The following MT1B variants were observed in gnomAD, a reference collection of about 807,000 sequenced individuals.
MT1B encodes metallothionein-1B.
A neutral mutation model predicts 7.9 loss-of-function variants in MT1B; 4 were observed. The ratio of observed to expected loss-of-function variants is 0.51; its 90% CI spans 0.25 to 1.16. The LOEUF (loss-of-function observed/expected upper bound fraction) is 1.16, where lower values mean the gene tolerates loss of function less well. Among genes scored for constraint, MT1B ranks in the 50% most tolerant of loss-of-function variants. The pLI, the probability that MT1B is intolerant of heterozygous loss-of-function variation, is 0.15. For synonymous variants in MT1B, 22 were observed against 27.6 expected, an observed-to-expected ratio of 0.80 and a Z score of 0.63; for missense variants, 76 against 75.2, an observed-to-expected ratio of 1.01 and a Z score of -0.04.
chr16:56,652,837 C>A, intron 2 of MT1B, 137 bp from the exon 3 acceptor site: 1 of 1,180,128 alleles, frequency 8.5e-7, no homozygotes, highest in Non-Finnish European at 1.3e-6. Flanking sequence ...CTCAAATGTA[C>A]CATCAGAACA....
chr16:56,651,989 A>T lies in MT1B; in HGVS notation c.28+8A>T, dbSNP rs200822146. 158 of 1,614,100 alleles carry T rather than the reference A, an allele frequency of 9.8e-5. No individual in the cohort carries two copies. Among genetic ancestry groups the T allele is most frequent in the Admixed American group, 5.5e-4 (33 of 60,008 alleles). ...ACTGCTCCTGCACCACAGGTAAGGGACGCCTGGCTCTGGGCCTTGAGATGC... is the reference window on the plus strand; with the variant it reads ...ACTGCTCCTGCACCACAGGTAAGGGTCGCCTGGCTCTGGGCCTTGAGATGC... On this transcript the variant is annotated splice_region_variant and intron_variant, in intron 1 of 2. Transcript: ENST00000334346.
Position 56,652,598 on chromosome 16 carries a change from G to A in MT1B, c.56G>A (p.Cys19Tyr). ...GGCTCCTGTGCCTGCGCCGGCTCCTGCAAGTGCAAAGAGTGCAAATGTACC... is the reference window on the plus strand; with the variant it reads ...GGCTCCTGTGCCTGCGCCGGCTCCTACAAGTGCAAAGAGTGCAAATGTACC... Reference protein sequence around the residue: ...TGGSCACAGSCKCKECKCTSC... With the variant: ...TGGSCACAGSYKCKECKCTSC... The change falls in exon 2 of 3, where the codon TGC becomes TAC. Residue 19 changes from cysteine to tyrosine, a missense_variant. By Grantham distance (194) the Cys-to-Tyr change is radical. Coordinates refer to ENST00000334346, the MANE Select transcript of MT1B (RefSeq NM_005947.3). 1 of 1,613,990 alleles carries A rather than the reference G, an allele frequency of 6.2e-7. No homozygotes were observed. Among genetic ancestry groups the A allele is most frequent in the Non-Finnish European group, 8.5e-7 (1 of 1,179,898 alleles).
chr16:56,652,872 T>C (rs1463700074), intron 2 of MT1B, 102 bp from the exon 3 acceptor site: 1 of 1,365,202 alleles, frequency 7.3e-7, no homozygotes, highest in East Asian at 2.3e-5. Context: ...TAAAAATGCA[T>C]CCTCTGGGTG....
chr16:56,652,763 T>G, intron 2 of MT1B, 127 bp downstream of exon 2: 1 of 1,302,876 alleles, frequency 7.7e-7, no homozygotes, highest in Non-Finnish European at 1.1e-6. Flanking sequence ...TGTCATTCCC[T>G]CTCCAGGCTT....
chr16:56,652,742 C>A, intron 2 of MT1B, 106 bp downstream of exon 2: 1 of 1,425,990 alleles, frequency 7.0e-7, no homozygotes, highest in Non-Finnish European at 9.9e-7. Context: ...TTCCTTTGCC[C>A]CTGTTGGCTG....
Position 56,653,040 on chromosome 16 carries a change from C to T in MT1B, c.161C>T (p.Ser54Leu). ...CAQGCVCKGS[S>L]EKCRCCA ...CAGGGCTGTGTCTGCAAAGGCTCAT[C>T]AGAGAAGTGCCGCTGCTGTGCCTGA... The change falls in exon 3 of 3, where the codon TCA becomes TTA. Residue 54 changes from serine (S) to leucine (L), a missense_variant. Physicochemically the swap from Ser to Leu is moderately radical, Grantham distance 145. Transcript: ENST00000334346. The T allele has an allele frequency of 1.2e-6, 2 of 1,613,960 alleles. No individual in the cohort carries two copies. The highest frequency in any genetic ancestry group is 1.7e-6 in the Non-Finnish European group (2 of 1,180,006).
chr16:56,652,827 C>G, intron 2 of MT1B, 147 bp from the exon 3 acceptor site: 1 of 1,166,620 alleles, frequency 8.6e-7, no homozygotes, highest in Non-Finnish European at 1.3e-6. Flanking sequence ...GGACACAAAC[C>G]TCAAATGTAC....
intron 2 of MT1B, 85 bp from the exon 3 acceptor site, chr16:56,652,889 C>T: frequency 6.8e-7 from 1 of 1,471,424 alleles, no homozygotes; most frequent in Non-Finnish European, 9.5e-7. Context: ...GGTGTGGGGG[C>T]TGAACTTCAG....
intron 1 of MT1B, 103 bp from the exon 2 acceptor site, chr16:56,652,468 T>C (rs2013775): frequency 0.52 from 580,542 of 1,116,736 alleles, 152,965 homozygotes; most frequent in Non-Finnish European, 0.56. Flanking sequence ...GGAGCTCTGA[T>C]GGCTGGCCCT....
intron 2 of MT1B, 37 bp downstream of exon 2, chr16:56,652,673 G>T: frequency 6.2e-7 from 1 of 1,611,746 alleles, no homozygotes; most frequent in Non-Finnish European, 8.5e-7. Flanking sequence ...CTGGGGCTGT[G>T]GCTAAGCTTG....
At chr16:56,652,090 G>C (rs2070838) in intron 1 of MT1B, 109 bp downstream of exon 1, 1,188,710 of 1,371,360 alleles carry the variant, frequency 0.87, 519,436 homozygotes, top group Non-Finnish European at 0.89. Context: ...AAGGGAACTC[G>C]TTTACTTTTG....
rs140091038 is a variant in MT1B, at chr16:56,652,590, C to T, written c.48C>T (p.Ala16=). Residue 16 remains alanine (A), a synonymous_variant, in exon 2 of 3, where the codon GCC becomes GCT. Coordinates refer to ENST00000334346, the MANE Select transcript of MT1B (RefSeq NM_005947.3). ...TTGCAGGTGGCTCCTGTGCCTGCGC[C>T]GGCTCCTGCAAGTGCAAAGAGTGCA... ...SCTTGGSCAC[A]GSCKCKECKC... is the part of the protein sequence containing the mutation. The T allele has an allele frequency of 2.0e-5, 32 of 1,613,848 alleles. No homozygotes were observed. In the Middle Eastern group the frequency reaches 4.9e-4, roughly 25 times the overall value.
chr16:56,652,425 TG>T, intron 1 of MT1B, 145 bp from the exon 2 acceptor site: 1 of 805,532 alleles, frequency 1.2e-6, no homozygotes, highest in Non-Finnish European at 2.1e-6. Context: ...GGAGAGGACA[TG>T]GGGCTTCTGT....
At position 56,651,967 on chromosome 16, in the gene MT1B, G is replaced by A. The variant is rs747087649; in HGVS notation, c.14G>A (p.Cys5Tyr). The A allele has an allele frequency of 2.5e-6, 4 of 1,614,240 alleles. No individual in the cohort carries two copies. In the South Asian group the frequency reaches 3.3e-5, roughly 13 times the overall value. Residue 5 changes from cysteine (C) to tyrosine (Y), a missense_variant, in exon 1 of 3, where the codon TGC becomes TAC. By Grantham distance (194) the Cys-to-Tyr change is radical. Transcript: ENST00000334346. MDPN[C>Y]SCTTGGSCAC... ...TCTTGGCTCCAAATGGATCCCAACT[G>A]CTCCTGCACCACAGGTAAGGGACGC...
At chr16:56,652,868 T>A (rs1960572579) in intron 2 of MT1B, 106 bp from the exon 3 acceptor site, 11 of 1,348,650 alleles carry the variant, frequency 8.2e-6, no homozygotes, top group Non-Finnish European at 1.2e-5. Flanking sequence ...AGCCTAAAAA[T>A]GCATCCTCTG....
At position 56,651,904 on chromosome 16, in the gene MT1B, C is replaced by T. The variant is rs776939115; in HGVS notation, c.-50C>T. ...GGGCTCCATCACACCTTCCTCCTGC[C>T]CTGACTTCTCATATCTTGCCTAGGA... On this transcript the variant is annotated 5_prime_UTR_variant, in exon 1 of 3. Transcript: ENST00000334346. The T allele has an allele frequency of 6.2e-7, 1 of 1,609,340 alleles. No individual in the cohort carries two copies. Among genetic ancestry groups the T allele is most frequent in the Admixed American group, 1.7e-5 (1 of 60,028 alleles).
Position 56,652,617 on chromosome 16 carries a change from A to G in MT1B, c.75A>G (p.Lys25=). The change falls in exon 2 of 3, where the codon AAA becomes AAG. Residue 25 remains lysine (K), a synonymous_variant. Coordinates refer to ENST00000334346, the MANE Select transcript of MT1B (RefSeq NM_005947.3). ...GCTCCTGCAAGTGCAAAGAGTGCAAATGTACCTCCTGCAAGAAGTGTGAGT... is the reference window on the plus strand; with the variant it reads ...GCTCCTGCAAGTGCAAAGAGTGCAAGTGTACCTCCTGCAAGAAGTGTGAGT... The part of the protein sequence containing the change: ...CAGSCKCKEC[K]CTSCKKCCCS... 2 of 1,613,950 alleles carry G rather than the reference A, an allele frequency of 1.2e-6. No individual in the cohort carries two copies. Among genetic ancestry groups the G allele is most frequent in the South Asian group, 2.2e-5 (2 of 91,082 alleles).
In MT1B at chr16:56,652,997, G is replaced by C; in HGVS notation, c.118G>C (p.Gly40Arg). 1 of 1,613,492 alleles carries C rather than the reference G, an allele frequency of 6.2e-7. No homozygotes were observed. Among genetic ancestry groups the C allele is most frequent in the Non-Finnish European group, 8.5e-7 (1 of 1,180,002 alleles). ...AGGCTGCTGCTCTTGCTGCCCCGTG[G>C]GCTGTGCCAAGTGTGCCCAGGGCTG... ...KKCCCSCCPV[G>R]CAKCAQGCVC... Residue 40 changes from glycine (G) to arginine (R), a missense_variant, in exon 3 of 3, where the codon GGC (glycine) becomes CGC (arginine). Transcript: ENST00000334346.
chr16:56,651,950 C>A lies in MT1B; in HGVS notation c.-4C>A. 6.2e-7 allele frequency: 1 copy of A among 1,614,230 alleles called. No homozygotes were observed. Among genetic ancestry groups the A allele is most frequent in the Non-Finnish European group, 8.5e-7 (1 of 1,180,036 alleles). ...TAGGAACTCCAGGCTTGTCTTGGCT[C>A]CAAATGGATCCCAACTGCTCCTGCA... On this transcript the variant is annotated 5_prime_UTR_variant, in exon 1 of 3. Coordinates refer to ENST00000334346, the MANE Select transcript of MT1B (RefSeq NM_005947.3).
Sources: gnomAD v4.1 joint callset for allele counts on GRCh38, gnomAD v4.1.1 for gene constraint, MANE v1.5 for transcripts, NCBI Gene and HGNC (gene_info 2026-07-23, HGNC 2026-07-21) for gene names.